The following KAT6A variants were observed in gnomAD, a reference collection of about 807,000 sequenced individuals.
The protein encoded by KAT6A is lysine acetyltransferase 6A.
A neutral mutation model predicts 198.4 loss-of-function variants in KAT6A; 9 were observed. The observed-to-expected ratio is 0.05, with a 90% CI of 0.03 to 0.08. The LOEUF (loss-of-function observed/expected upper bound fraction) is 0.08, where lower values mean the gene tolerates loss of function less well. KAT6A is among the 10% of genes least tolerant of loss of function. The pLI, the probability that KAT6A is intolerant of heterozygous loss-of-function variation, is 1.00. For synonymous variants in KAT6A, 890 were observed against 883.0 expected, an observed-to-expected ratio of 1.01 and a Z score of -0.14; for missense variants, 2,077 against 2,509.9, an observed-to-expected ratio of 0.83 and a Z score of 3.69.
intron 2 of KAT6A, among the ~76,000 whole-genome samples, chr8:42,021,769 A>G (rs1311551459): frequency 1.3e-5 from 2 of 152,178 alleles, no homozygotes; most frequent in Non-Finnish European, 2.9e-5. Flanking sequence ...CATCTCTACT[A>G]AAAATACAAA....
At chr8:41,985,605 A>G (rs545940292) in intron 3 of KAT6A, among the ~76,000 whole-genome samples, 1 of 152,274 alleles carries the variant, frequency 6.6e-6, no homozygotes, top group African/African-American at 2.4e-5. Flanking sequence ...CCAACTACAG[A>G]GCGCAACTGT....
Position 42,031,617 on chromosome 8 carries a change from C to CTT in KAT6A, c.600+16759_600+16760dup, listed in dbSNP as rs11329714. On this transcript the variant is annotated intron_variant, in intron 2 of 16. Transcript: ENST00000265713. ...GAAATAAATATTGAAGGAGCATTCA[C>CTT]TTTTTTTTTTTTTTTTTTTTTTTTT... 2.0e-3 allele frequency among the ~76,000 whole-genome samples: 129 copies of CTT among 65,108 alleles called. 10 individuals carry two copies. Among genetic ancestry groups the CTT allele is most frequent in the African/African-American group, 2.3e-3 (33 of 14,654 alleles). The allele number at this position is 65,108 out of a possible 152,430, so 42.7% of individuals were successfully genotyped here. A position where few individuals can be genotyped will look rare whatever the true frequency, so the allele number is the denominator to read the frequency against.
In KAT6A at chr8:41,977,134, G is replaced by T. The variant is rs761266651; in HGVS notation, c.1237C>A (p.Leu413Ile). 1.9e-6 allele frequency: 3 copies of T among 1,614,010 alleles called. No homozygotes were observed. ...NKKTKGLIDG[L>I]TKFFTPSPDG... ...GGGGAAGGGGTAAAAAATTTGGTAA[G>T]GCCATCAATGAGCCCTTTGGTTTTC... The change falls in exon 7 of 17, where the codon CTT (leucine) becomes ATT (isoleucine). Residue 413 changes from leucine to isoleucine, a missense_variant. Physicochemically the swap from Leu to Ile is conservative, Grantham distance 5. This residue lies in a region of KAT6A where 206 missense variants were observed against 214.9 expected (regional missense o/e 0.96). Transcript: ENST00000265713.
chr8:41,931,568 G>GT lies in KAT6A; in HGVS notation c.*636dup, dbSNP rs1821544176. On this transcript the variant is annotated 3_prime_UTR_variant, in exon 17 of 17. Transcript: ENST00000265713. ...TTCTTGGGGAAGGGTTTCAAGAGGTGTGTGTGTGTGAGGAGTGGAGGGGAT... is the reference window on the plus strand; with the variant it reads ...TTCTTGGGGAAGGGTTTCAAGAGGTGTTGTGTGTGTGAGGAGTGGAGGGGAT... The GT allele has an allele frequency of 4.9e-6, 1 of 203,866 alleles. No individual in the cohort carries two copies. The highest frequency in any genetic ancestry group is 1.0e-5 in the Non-Finnish European group (1 of 99,610). 12.6% of individuals were successfully genotyped at this position (203,866 alleles called of 1,614,324 possible). A position where few individuals can be genotyped will look rare whatever the true frequency, so the allele number is the denominator to read the frequency against.
At chr8:42,035,805 AACAG>A (rs1827347215) in intron 2 of KAT6A, among the ~76,000 whole-genome samples, 1 of 152,240 alleles carries the variant, frequency 6.6e-6, no homozygotes, top group Non-Finnish European at 1.5e-5. Context: ...AATGAATGGA[AACAG>A]ACAGGGTATA....
intron 2 of KAT6A, among the ~76,000 whole-genome samples, chr8:42,029,709 TG>T (rs1827012172): frequency 4.0e-5 from 6 of 151,782 alleles, no homozygotes; most frequent in Admixed American, 3.3e-4. Context: ...CCTCCCGCCT[TG>T]GTCTCCCAAA....
intron 2 of KAT6A, among the ~76,000 whole-genome samples, chr8:42,020,359 T>C (rs1438589074): frequency 6.6e-6 from 1 of 152,190 alleles, no homozygotes; most frequent in Non-Finnish European, 1.5e-5. Context: ...ATTCTACGTC[T>C]ATTGGGAACC....
At position 41,934,331 on chromosome 8, in the gene KAT6A, C is replaced by G. The variant is rs768958774; in HGVS notation, c.3889G>C (p.Glu1297Gln). Reference sequence around the variant, plus strand: ...GCTGCATCTTCCTCCTCCTCTGGCTCTGGCTCCTCTAATTCCTGCTGCTCC... The same window carrying G: ...GCTGCATCTTCCTCCTCCTCTGGCTGTGGCTCCTCTAATTCCTGCTGCTCC... ...EEEQQELEEPEPEEEEDAAAE... is the reference protein window; with the variant it reads ...EEEQQELEEPQPEEEEDAAAE... Residue 1297 changes from glutamate (E) to glutamine (Q), a missense_variant, in exon 17 of 17, where the codon GAG becomes CAG. Coordinates refer to ENST00000265713, the MANE Select transcript of KAT6A (RefSeq NM_006766.5). 13 of 1,613,932 alleles carry G rather than the reference C, an allele frequency of 8.1e-6. No individual in the cohort carries two copies. In the East Asian group the frequency reaches 2.9e-4, roughly 36 times the overall value.
chr8:42,005,362 C>T (rs1014380629), intron 2 of KAT6A, among the ~76,000 whole-genome samples: 11 of 152,074 alleles, frequency 7.2e-5, no homozygotes, highest in African/African-American at 2.7e-4. Context: ...ATAAATAAAG[C>T]CTTAAGTGTT....
chr8:41,949,308 T>C lies in KAT6A; in HGVS notation c.1654A>G (p.Ile552Val), dbSNP rs148064787. 3 of 1,575,102 alleles carry C rather than the reference T, an allele frequency of 1.9e-6. No individual in the cohort carries two copies. Among genetic ancestry groups the C allele is most frequent in the South Asian group, 2.4e-5 (2 of 83,264 alleles). The change falls in exon 10 of 17, where the codon ATT (isoleucine) becomes GTT (valine). Residue 552 changes from isoleucine (I) to valine (V), a missense_variant. By Grantham distance (29) the Ile-to-Val change is conservative. Transcript: ENST00000265713. ...CATTTCTTCATGTGCTGCTGCAGAA[T>C]AGTTCTACTTTTCATATATTTTAGA... ...FCLKYMKSRTILQQHMKKCGW... is the reference protein window; with the variant it reads ...FCLKYMKSRTVLQQHMKKCGW...
In KAT6A at chr8:41,981,968, GA is replaced by G; in HGVS notation, c.710-15del. On this transcript the variant is annotated splice_polypyrimidine_tract_variant and intron_variant, in intron 3 of 16. Coordinates refer to ENST00000265713, the MANE Select transcript of KAT6A (RefSeq NM_006766.5). ...AGGATGGATGGCCTAATACGAGGGA[GA>G]ACATTCATGAATGAAACAATCAAGA... 1 of 1,416,668 alleles carries G rather than the reference GA, an allele frequency of 7.1e-7. No individual in the cohort carries two copies. Among genetic ancestry groups the G allele is most frequent in the Non-Finnish European group, 1.0e-6 (1 of 1,001,236 alleles). The allele number at this position is 1,416,668 out of a possible 1,614,324, so 87.8% of individuals were successfully genotyped here. A position where few individuals can be genotyped will look rare whatever the true frequency, so the allele number is the denominator to read the frequency against.
intron 13 of KAT6A, among the ~76,000 whole-genome samples, chr8:41,943,367 C>A (rs1564012515): frequency 6.6e-6 from 1 of 152,116 alleles, no homozygotes; most frequent in Non-Finnish European, 1.5e-5. Context: ...GTCTGTTCTT[C>A]CTTTCAATCT....
intron 2 of KAT6A, among the ~76,000 whole-genome samples, chr8:42,035,910 A>C (rs1397641017): frequency 6.6e-6 from 1 of 152,170 alleles, no homozygotes; most frequent in Non-Finnish European, 1.5e-5. Context: ...GTGAGCGAGA[A>C]AGATGATAGA....
intron 2 of KAT6A, among the ~76,000 whole-genome samples, chr8:41,994,797 C>T (rs1026836148): frequency 5.3e-5 from 8 of 152,134 alleles, no homozygotes; most frequent in African/African-American, 1.9e-4. Flanking sequence ...GTGGCTCACA[C>T]CTGTAATCCC....
At position 42,046,810 on chromosome 8, in the gene KAT6A, T is replaced by C. The variant is rs78938806; in HGVS notation, c.600+1568A>G. Among the ~76,000 whole-genome samples, 3 of 152,340 alleles carry C rather than the reference T, an allele frequency of 2.0e-5. No individual in the cohort carries two copies. In the East Asian group the frequency reaches 5.8e-4, roughly 29 times the overall value. On this transcript the variant is annotated intron_variant, in intron 2 of 16. Transcript: ENST00000265713. ...ATTTTTAATATATACTTTTAATAAATGCTCAAATTACATAGAGCCATTTTA... is the reference window on the plus strand; with the variant it reads ...ATTTTTAATATATACTTTTAATAAACGCTCAAATTACATAGAGCCATTTTA...
intron 3 of KAT6A, among the ~76,000 whole-genome samples, chr8:41,983,313 C>T (rs1049118670): frequency 6.6e-6 from 1 of 152,192 alleles, no homozygotes; most frequent in African/African-American, 2.4e-5. Context: ...ATTATCAAAA[C>T]ATCACTAACA....
intron 8 of KAT6A, chr8:41,974,480 T>G (rs976912703): frequency 2.2e-5 from 8 of 363,348 alleles, no homozygotes; most frequent in African/African-American, 1.7e-4. Context: ...ACCAAGCTTA[T>G]TTAATATTGA....
intron 2 of KAT6A, among the ~76,000 whole-genome samples, chr8:42,018,610 C>T (rs1826378280): frequency 2.0e-5 from 3 of 152,142 alleles, no homozygotes; most frequent in Admixed American, 1.3e-4. Flanking sequence ...TATGTATCAA[C>T]ACTTCCTAAG....
intron 2 of KAT6A, among the ~76,000 whole-genome samples, chr8:41,995,797 T>A (rs1056564407): frequency 6.6e-6 from 1 of 151,072 alleles, no homozygotes; most frequent in East Asian, 2.0e-4. Context: ...TGCCTCAGCC[T>A]CTCGAGTAGC....
Sources: gnomAD v4.1 joint callset for allele counts (sites outside exome capture counted in the v4.1 genomes callset) on GRCh38, gnomAD v4.1.1 for gene constraint, gnomAD v4.1.1 regional missense constraint, MANE v1.5 for transcripts, NCBI Gene and HGNC (gene_info 2026-07-23, HGNC 2026-07-21) for gene names.